The following PHACTR3 variants were observed in gnomAD, a reference collection of about 807,000 sequenced individuals.
PHACTR3 encodes the protein phosphatase and actin regulator 3, also known as protein phosphatase 1, regulatory subunit 123.
Under a neutral mutation model 66.8 loss-of-function variants are expected in PHACTR3, and 16 were observed. That is an observed-to-expected ratio of 0.24 (90% confidence interval 0.16 to 0.36). The LOEUF is 0.36. PHACTR3 is among the 10% of genes least tolerant of loss of function. The pLI is 1.00. For synonymous variants in PHACTR3, 323 were observed against 292.1 expected, an observed-to-expected ratio of 1.11 and a Z score of -1.08; for missense variants, 647 against 719.9, an observed-to-expected ratio of 0.90 and a Z score of 1.16.
intron 1 of PHACTR3, among the ~76,000 whole-genome samples, chr20:59,648,883 C>A (rs2035371447): frequency 6.6e-6 from 1 of 152,180 alleles, no homozygotes; most frequent in Non-Finnish European, 1.5e-5. Context: ...GGGACTGGGA[C>A]AGCTTGGCAA....
intron 1 of PHACTR3, among the ~76,000 whole-genome samples, chr20:59,663,433 TGTGA>T (rs1379290280): frequency 6.6e-6 from 1 of 152,074 alleles, no homozygotes; most frequent in African/African-American, 2.4e-5. Context: ...CACATGGACG[TGTGA>T]GTAAGTGAGG....
chr20:59,641,152 C>A (rs772438044), intron 1 of PHACTR3, among the ~76,000 whole-genome samples: 3 of 152,032 alleles, frequency 2.0e-5, no homozygotes, highest in Non-Finnish European at 2.9e-5. Context: ...TCTACCAATC[C>A]ATCCATCCAT....
rs1372767545 is a variant in PHACTR3, at chr20:59,633,682, A to G, written c.118+28550A>G. ...AGCTCACTTGCCTGGATACTTTAAT[A>G]TTGCCTGGGTTTTTGTGTTGTGGAG... On this transcript the variant is annotated intron_variant, in intron 1 of 12. Transcript: ENST00000371015. Among the ~76,000 whole-genome samples, 3 of 152,148 alleles carry G rather than the reference A, an allele frequency of 2.0e-5. No homozygotes were observed. The East Asian group carries it at 5.8e-4, about 29-fold the overall frequency.
intron 1 of PHACTR3, among the ~76,000 whole-genome samples, chr20:59,722,271 T>G (rs1601187735): frequency 1.5e-5 from 2 of 132,974 alleles, no homozygotes; most frequent in African/African-American, 2.9e-5. Flanking sequence ...CAGATTGAAC[T>G]GAGGAAGGTA....
At chr20:59,741,732 A>G (rs573179397) in intron 1 of PHACTR3, among the ~76,000 whole-genome samples, 34 of 149,584 alleles carry the variant, frequency 2.3e-4, no homozygotes, top group Non-Finnish European at 4.7e-4. Context: ...GCCAACAGCC[A>G]GGGCTCCCCA....
chr20:59,789,684 A>G (rs1222153706), intron 7 of PHACTR3, among the ~76,000 whole-genome samples: 1 of 152,256 alleles, frequency 6.6e-6, no homozygotes, highest in African/African-American at 2.4e-5. Flanking sequence ...TAGAATTAAA[A>G]GGTACAATAT....
intron 1 of PHACTR3, among the ~76,000 whole-genome samples, chr20:59,686,389 G>T (rs1477041858): frequency 6.6e-6 from 1 of 152,164 alleles, no homozygotes; most frequent in Non-Finnish European, 1.5e-5. Flanking sequence ...TTGGAGGGAG[G>T]ATTAAATGAG....
chr20:59,846,120 GAAGATGCTC>G (rs899744559), intron 12 of PHACTR3, among the ~76,000 whole-genome samples: 2 of 152,136 alleles, frequency 1.3e-5, no homozygotes, highest in African/African-American at 4.8e-5. Flanking sequence ...TCCTTTATCT[GAAGATGCTC>G]AAGGCCCACA....
At chr20:59,676,758 C>T in intron 1 of PHACTR3, 1 of 983,382 alleles carries the variant, frequency 1.0e-6, no homozygotes, top group Non-Finnish European at 1.2e-6. Context: ...CCCTCTGTGA[C>T]CATAAGGTGA....
intron 1 of PHACTR3, among the ~76,000 whole-genome samples, chr20:59,632,009 T>G (rs1181971695): frequency 6.6e-6 from 1 of 152,226 alleles, no homozygotes; most frequent in Non-Finnish European, 1.5e-5. Flanking sequence ...GGAGTGTCCC[T>G]GCTTCTGAAC....
At position 59,736,528 on chromosome 20, in the gene PHACTR3, C is replaced by T. The variant is rs554184997; in HGVS notation, c.119-6579C>T. 6.6e-6 allele frequency among the ~76,000 whole-genome samples: 1 copy of T among 152,046 alleles called. No homozygotes were observed. The highest frequency in any genetic ancestry group is 1.9e-4 in the East Asian group (1 of 5,154). On this transcript the variant is annotated intron_variant, in intron 1 of 12. Transcript: ENST00000371015. This position sits in a 1 kb window ranked among gnomAD's most constrained non-coding sequence, Gnocchi z 4.6. ...GCACACTGGCTCCGCAGGTGCTCAC[C>T]CGCCCACCCGTGTAGGTGCACACCC... is the stretch of plus-strand genomic sequence containing the variant.
chr20:59,770,998 T>C (rs2146882901), intron 5 of PHACTR3, among the ~76,000 whole-genome samples: 1 of 152,298 alleles, frequency 6.6e-6, no homozygotes, highest in South Asian at 2.1e-4. Flanking sequence ...AACCTCAGCT[T>C]CCTCATCTGT....
Position 59,614,187 on chromosome 20 carries a change from C to G in PHACTR3, c.118+9055C>G, listed in dbSNP as rs76833718. ...CCTCATCCTGCAACTTACTGGAAAG[C>G]GGTCCTCTGTCCTTTACATGGAATA... On this transcript the variant is annotated intron_variant, in intron 1 of 12. Transcript: ENST00000371015. Among the ~76,000 whole-genome samples the G allele has an allele frequency of 2.5e-3, 376 of 152,338 alleles. 3 individuals are homozygous for G. The highest frequency in any genetic ancestry group is 8.5e-3 in the African/African-American group (355 of 41,576).
intron 1 of PHACTR3, among the ~76,000 whole-genome samples, chr20:59,691,400 T>C (rs2037101427): frequency 6.6e-6 from 1 of 152,242 alleles, no homozygotes; most frequent in Non-Finnish European, 1.5e-5. Flanking sequence ...CCCAACTCCA[T>C]TTATTGAATG....
chr20:59,735,840 T>C (rs1476732743), intron 1 of PHACTR3, among the ~76,000 whole-genome samples: 1 of 152,022 alleles, frequency 6.6e-6, no homozygotes, highest in Non-Finnish European at 1.5e-5. Context: ...AATCTGAGAG[T>C]AATCAGAGCT....
chr20:59,716,953 C>T lies in PHACTR3; in HGVS notation c.119-26154C>T, dbSNP rs541733879. Among the ~76,000 whole-genome samples the T allele has an allele frequency of 5.3e-5, 8 of 152,298 alleles. No homozygotes were observed. In the South Asian group the frequency reaches 1.5e-3, roughly 28 times the overall value. On this transcript the variant is annotated intron_variant, in intron 1 of 12. Transcript: ENST00000371015. ...TCTATCATGCTCCCTGATGGGTCCC[C>T]ATGCCCAGCACTGGGTGCTCTCTTA...
chr20:59,784,909 G>A (rs2040851577), intron 7 of PHACTR3, among the ~76,000 whole-genome samples: 1 of 152,042 alleles, frequency 6.6e-6, no homozygotes, highest in African/African-American at 2.4e-5. Flanking sequence ...CCACTGGTGG[G>A]AAGCAGTGTG....
intron 1 of PHACTR3, among the ~76,000 whole-genome samples, chr20:59,638,829 G>T (rs2034994835): frequency 6.7e-6 from 1 of 149,722 alleles, no homozygotes; most frequent in Non-Finnish European, 1.5e-5. Flanking sequence ...TGGGTAGATG[G>T]ATGGATGGGT....
At chr20:59,595,355 G>A (rs1028751242) in intron 1 of PHACTR3, among the ~76,000 whole-genome samples, 1 of 152,158 alleles carries the variant, frequency 6.6e-6, no homozygotes, top group African/African-American at 2.4e-5. Context: ...CCGGCGAATC[G>A]GGCGGTTGAG....
Sources: allele counts gnomAD v4.1 joint callset (sites outside exome capture counted in the v4.1 genomes callset), GRCh38; gene constraint gnomAD v4.1.1; non-coding constraint Gnocchi (gnomAD v3.1); transcripts MANE v1.5; gene names NCBI Gene and HGNC (gene_info 2026-07-23, HGNC 2026-07-21).